The following B3GALT1 variants were observed in gnomAD, a reference collection of about 807,000 sequenced individuals.
B3GALT1 encodes the protein beta-1,3-galactosyltransferase 1.
B3GALT1 carries 10 observed loss-of-function variants against 23.2 expected under a neutral mutation model. The ratio of observed to expected loss-of-function variants is 0.43; its 90% CI spans 0.27 to 0.73. The LOEUF (loss-of-function observed/expected upper bound fraction) is 0.73. B3GALT1 is among the 30% of genes least tolerant of loss of function. B3GALT1 has a pLI of 0.21. For missense variants in B3GALT1, 299 were observed against 405.4 expected (o/e 0.74, Z 2.25); for synonymous variants, 156 against 141.5 (o/e 1.10, Z -0.73).
chr2:167,437,566 C>T (rs893176522), intron 1 of B3GALT1, among the ~76,000 whole-genome samples: 2 of 152,076 alleles, frequency 1.3e-5, no homozygotes, highest in East Asian at 3.9e-4. Context: ...ATGGATAAAG[C>T]CACTGTGTTC....
intron 3 of B3GALT1, among the ~76,000 whole-genome samples, chr2:167,731,845 A>C (rs551694130): frequency 1.1e-4 from 16 of 152,260 alleles, no homozygotes; most frequent in Admixed American, 8.5e-4. Context: ...CTGTACACTT[A>C]AGGAGATTTG....
At chr2:167,807,098 G>A (rs2105347333) in intron 3 of B3GALT1, among the ~76,000 whole-genome samples, 1 of 152,220 alleles carries the variant, frequency 6.6e-6, no homozygotes, top group South Asian at 2.1e-4. Flanking sequence ...TAGTTTATTT[G>A]CGTAGAGGTG....
chr2:167,476,924 T>TA (rs1249542017), intron 1 of B3GALT1, among the ~76,000 whole-genome samples: 4 of 152,290 alleles, frequency 2.6e-5, no homozygotes, highest in African/African-American at 9.6e-5. Flanking sequence ...CTCTCTTAAA[T>TA]AAGTATTGAA....
chr2:167,854,711 C>G (rs1689966046), intron 4 of B3GALT1, among the ~76,000 whole-genome samples: 3 of 152,122 alleles, frequency 2.0e-5, no homozygotes, highest in African/African-American at 7.2e-5. Flanking sequence ...TTATGGATGT[C>G]AGTTTCTTTT....
intron 3 of B3GALT1, among the ~76,000 whole-genome samples, chr2:167,687,223 A>G (rs554777863): frequency 6.6e-6 from 1 of 152,358 alleles, no homozygotes; most frequent in South Asian, 2.1e-4. Context: ...TTTCATAGCC[A>G]GCAACTCTCT....
chr2:167,328,589 CTTCT>C (rs1329526351), intron 1 of B3GALT1, among the ~76,000 whole-genome samples: 2 of 151,526 alleles, frequency 1.3e-5, no homozygotes, highest in African/African-American at 2.4e-5. Context: ...TTATTTGTTT[CTTCT>C]TTCTTTTCTT....
At chr2:167,669,159 T>C (rs893035540) in intron 3 of B3GALT1, among the ~76,000 whole-genome samples, 1 of 152,224 alleles carries the variant, frequency 6.6e-6, no homozygotes, top group African/African-American at 2.4e-5. Context: ...CAGAATTGAA[T>C]GAAGACATAC....
At chr2:167,482,729 G>T (rs1482484780) in intron 1 of B3GALT1, among the ~76,000 whole-genome samples, 5 of 151,890 alleles carry the variant, frequency 3.3e-5, no homozygotes, top group Non-Finnish European at 5.9e-5. Flanking sequence ...AATCCCAACT[G>T]CTAGGGAGGC....
intron 3 of B3GALT1, among the ~76,000 whole-genome samples, chr2:167,787,815 G>A (rs1189104737): frequency 6.6e-6 from 1 of 152,210 alleles, no homozygotes; most frequent in African/African-American, 2.4e-5. Context: ...GTCAGCTGGA[G>A]AGTCTGTCAC....
chr2:167,700,593 A>G (rs1686863209), intron 3 of B3GALT1, among the ~76,000 whole-genome samples: 1 of 152,222 alleles, frequency 6.6e-6, no homozygotes, highest in Admixed American at 6.5e-5. Context: ...AAAGAGAAAC[A>G]GAGGGAATAA....
At chr2:167,725,443 A>G (rs572164064) in intron 3 of B3GALT1, among the ~76,000 whole-genome samples, 177 of 152,302 alleles carry the variant, frequency 1.2e-3, no homozygotes, top group Non-Finnish European at 1.4e-3. Context: ...GCATCTCTGG[A>G]AACCCTGAAC....
In B3GALT1 at chr2:167,871,408, T is replaced by C. The variant is rs1427862782; in HGVS notation, c.*1388T>C. 6.6e-6 allele frequency: 1 copy of C among 152,210 alleles called. No individual in the cohort carries two copies. The highest frequency in any genetic ancestry group is 2.4e-5 in the African/African-American group (1 of 41,460). 9.4% of individuals were successfully genotyped at this position (152,210 alleles called of 1,614,324 possible). On this transcript the variant is annotated 3_prime_UTR_variant, in exon 5 of 5. Transcript: ENST00000392690. ...GGTCATCAGTAGCAGTAATATCATC[T>C]TAATATAAAATCTGCTGAAATAAAG...
intron 3 of B3GALT1, among the ~76,000 whole-genome samples, chr2:167,703,847 C>T (rs1478871942): frequency 1.3e-5 from 2 of 152,006 alleles, no homozygotes; most frequent in Non-Finnish European, 2.9e-5. Flanking sequence ...ACTGACTGAC[C>T]CCTCAAAAGC....
chr2:167,681,322 T>G (rs1385782610), intron 3 of B3GALT1, among the ~76,000 whole-genome samples: 1 of 152,180 alleles, frequency 6.6e-6, no homozygotes. Flanking sequence ...TATCTCTGTT[T>G]TAATGACCCA....
chr2:167,556,898 A>G (rs1683862457), intron 2 of B3GALT1, among the ~76,000 whole-genome samples: 1 of 152,210 alleles, frequency 6.6e-6, no homozygotes, highest in African/African-American at 2.4e-5. Flanking sequence ...CCTAGGAGGT[A>G]GGTAATGTTA....
At chr2:167,440,689 A>G (rs1485652309) in intron 1 of B3GALT1, among the ~76,000 whole-genome samples, 1 of 150,172 alleles carries the variant, frequency 6.7e-6, no homozygotes, top group Non-Finnish European at 1.5e-5. Context: ...TTCTTCAATT[A>G]TTTTTCCTCT....
chr2:167,366,829 A>G (rs907916759), intron 1 of B3GALT1, among the ~76,000 whole-genome samples: 1 of 152,174 alleles, frequency 6.6e-6, no homozygotes, highest in Non-Finnish European at 1.5e-5. Flanking sequence ...TCAGCTAGAA[A>G]CTTCAGACCT....
intron 1 of B3GALT1, among the ~76,000 whole-genome samples, chr2:167,386,204 T>A (rs942259425): frequency 6.6e-6 from 1 of 152,132 alleles, no homozygotes; most frequent in East Asian, 1.9e-4. Context: ...GTAGCACTAA[T>A]GAAGTTCAGC....
chr2:167,598,254 TTG>T (rs1238199925), intron 2 of B3GALT1, among the ~76,000 whole-genome samples: 2 of 151,892 alleles, frequency 1.3e-5, no homozygotes, highest in Admixed American at 6.6e-5. Flanking sequence ...TCAATTCTGA[TTG>T]TGTGTGTGTG....
Sources: allele counts gnomAD v4.1 joint callset (sites outside exome capture counted in the v4.1 genomes callset), GRCh38; gene constraint gnomAD v4.1.1; transcripts MANE v1.5; gene names NCBI Gene and HGNC (gene_info 2026-07-23, HGNC 2026-07-21).